TTC6: variants seen among roughly 807,000 people sequenced by gnomAD.
TTC6 encodes tetratricopeptide repeat domain 6, also known as tetratricopeptide repeat protein 6.
Under a neutral mutation model 210.4 loss-of-function variants are expected in TTC6, and 172 were observed. That is an observed-to-expected ratio of 0.82 (90% confidence interval 0.72 to 0.93). TTC6 has a LOEUF of 0.93. Ranked by LOEUF, TTC6 falls within the 40% of genes least tolerant of loss-of-function variation. The pLI is 0.00. For missense variants in TTC6, 2,414 were observed against 2,318.1 expected (o/e 1.04, Z -0.85); for synonymous variants, 804 against 819.6 (o/e 0.98, Z 0.32).
chr14:37,813,806 A>G (rs946229173), intron 25 of TTC6, among the ~76,000 whole-genome samples: 5 of 151,948 alleles, frequency 3.3e-5, no homozygotes, highest in Admixed American at 3.3e-4. Context: ...CTTTCCTCAC[A>G]CCCCACATCT....
At chr14:37,828,818 T>C (rs2096178207) in intron 29 of TTC6, among the ~76,000 whole-genome samples, 1 of 151,966 alleles carries the variant, frequency 6.6e-6, no homozygotes, top group Non-Finnish European at 1.5e-5. Context: ...TATTAATTAG[T>C]TTACATTCAT....
intron 15 of TTC6, among the ~76,000 whole-genome samples, chr14:37,788,037 G>A (rs547067692): frequency 6.6e-6 from 1 of 152,046 alleles, no homozygotes; most frequent in East Asian, 1.9e-4. Context: ...TGCTAAAATG[G>A]CAGTAAACTG....
intron 3 of TTC6, among the ~76,000 whole-genome samples, chr14:37,690,957 G>A (rs1429891197): frequency 6.6e-6 from 1 of 152,106 alleles, no homozygotes. Context: ...CTCCAGGATA[G>A]ACCATATGTT....
rs142516720 is a variant in TTC6, at chr14:37,775,855, C to A, written c.3267-11613C>A. On this transcript the variant is annotated intron_variant, in intron 14 of 30. Coordinates refer to ENST00000553443, the Ensembl canonical transcript of TTC6. ...TTAGATCTTCTTGTTGGATCGAACC[C>A]TTTACCATTATGTAATGCCCTTCTT... Among the ~76,000 whole-genome samples the A allele has an allele frequency of 8.9e-4, 136 of 152,174 alleles. 6 individuals carry two copies. In the East Asian group the frequency reaches 0.024, roughly 27 times the overall value.
chr14:37,643,680 T>C (rs2095696453), intron 1 of TTC6, among the ~76,000 whole-genome samples: 1 of 152,182 alleles, frequency 6.6e-6, no homozygotes, highest in African/African-American at 2.4e-5. Context: ...TTCCTGTCAT[T>C]TTCTTGGCTT....
At chr14:37,749,437 A>G (rs954930818) in intron 11 of TTC6, 36 bp downstream of exon 13, 2 of 1,378,412 alleles carry the variant, frequency 1.5e-6, no homozygotes, top group African/African-American at 2.9e-5. Context: ...AATATTCACC[A>G]TTTACACTTG....
intron 7 of TTC6, among the ~76,000 whole-genome samples, chr14:37,730,839 C>G (rs1480819438): frequency 6.6e-6 from 1 of 152,158 alleles, no homozygotes; most frequent in Non-Finnish European, 1.5e-5. Flanking sequence ...ACTTCTTGGT[C>G]TTGTTTAAAA....
intron 1 of TTC6, among the ~76,000 whole-genome samples, chr14:37,663,707 G>A (rs1419616054): frequency 6.6e-6 from 1 of 152,006 alleles, no homozygotes; most frequent in Non-Finnish European, 1.5e-5. Flanking sequence ...TGAGGTTCAT[G>A]TGATGAGGAG....
At chr14:37,790,116 TGCATCTC>T (rs1160513094) in intron 15 of TTC6, among the ~76,000 whole-genome samples, 7 of 152,264 alleles carry the variant, frequency 4.6e-5, no homozygotes, top group African/African-American at 1.7e-4. Context: ...ATTAGGGATG[TGCATCTC>T]GCATCTCGGA....
chr14:37,737,443 A>AG (rs2095904839), intron 8 of TTC6, among the ~76,000 whole-genome samples: 1 of 150,854 alleles, frequency 6.6e-6, no homozygotes, highest in South Asian at 2.1e-4. Flanking sequence ...AAAAAAACAT[A>AG]GTTTTTATTA....
chr14:37,735,795 T>A (rs2095900033), intron 7 of TTC6, 126 bp from the exon 10 acceptor site: 2 of 567,996 alleles, frequency 3.5e-6, no homozygotes, highest in African/African-American at 1.9e-5. Context: ...TCTAGAATTA[T>A]ACTACTTTCA....
chr14:37,754,437 CT>C (rs1225609590), intron 14 of TTC6, among the ~76,000 whole-genome samples: 184 of 145,508 alleles, frequency 1.3e-3, no homozygotes, highest in Middle Eastern at 3.6e-3. Context: ...TTCTTTCTTT[CT>C]TTTTTTTTTT....
intron 1 of TTC6, among the ~76,000 whole-genome samples, chr14:37,602,482 G>T (rs567223535): frequency 6.6e-6 from 1 of 152,262 alleles, no homozygotes; most frequent in African/African-American, 2.4e-5. Flanking sequence ...ACGAAAGCAG[G>T]AGTTGGGGGA....
At chr14:37,714,847 C>G in intron 6 of TTC6, 51 bp downstream of exon 8, 3 of 1,498,114 alleles carry the variant, frequency 2.0e-6, no homozygotes, top group Non-Finnish European at 2.7e-6. Context: ...GGTCCTCAAA[C>G]TTTTTGGCTT....
chr14:37,812,474 T>C, intron 25 of TTC6, 41 bp downstream of exon 27: 1 of 1,521,752 alleles, frequency 6.6e-7, no homozygotes, highest in Non-Finnish European at 8.8e-7. Context: ...TTTTGCACAT[T>C]GACTTCTGAG....
chr14:37,622,071 A>C (rs1290175335), exon 1 of TTC6: 2 of 1,524,518 alleles, frequency 1.3e-6, no homozygotes, highest in East Asian at 4.9e-5. Context: ...CAAGATGTCC[A>C]CAATCCCGAG....
At chr14:37,742,675 C>G (rs1051945159) in intron 10 of TTC6, among the ~76,000 whole-genome samples, 4 of 152,008 alleles carry the variant, frequency 2.6e-5, no homozygotes, top group African/African-American at 9.7e-5. Flanking sequence ...ACCTTGGGCT[C>G]CCAAAGGGCT....
chr14:37,842,269 A>G (rs1414821155), exon 31 of TTC6: 6 of 1,605,724 alleles, frequency 3.7e-6, no homozygotes, highest in Non-Finnish European at 5.1e-6. Flanking sequence ...CTTGATCTTG[A>G]AGACTATGCC....
chr14:37,808,690 AT>A (rs771150986), intron 23 of TTC6, 42 bp from the exon 26 acceptor site: 9 of 979,974 alleles, frequency 9.2e-6, no homozygotes, highest in Non-Finnish European at 1.4e-5. Context: ...ATTTCAGTCC[AT>A]TATGATTTTC....
Sources: allele counts gnomAD v4.1 joint callset (sites outside exome capture counted in the v4.1 genomes callset), GRCh38; gene constraint gnomAD v4.1.1; transcripts MANE v1.5; gene names NCBI Gene and HGNC (gene_info 2026-07-23, HGNC 2026-07-21).